Variants in PLXNA4 observed in about 807,000 individuals in gnomAD.
The protein encoded by PLXNA4 is plexin-A4.
In PLXNA4, 44 loss-of-function variants were observed where a neutral mutation model predicts 191.8. The ratio of observed to expected loss-of-function variants is 0.23; its 90% CI spans 0.18 to 0.29. The LOEUF is 0.29. Among genes scored for constraint, PLXNA4 ranks in the 10% least tolerant of loss-of-function variants. The probability of loss-of-function intolerance (pLI) is 1.00; values close to 1 mark genes in which losing one functional copy is unlikely to be tolerated. For missense variants in PLXNA4, 1,800 were observed against 2,488.8 expected, an observed-to-expected ratio of 0.72 and a Z score of 5.89; for synonymous variants, 1,082 against 1,009.5, an observed-to-expected ratio of 1.07 and a Z score of -1.36.
At chr7:132,376,588 G>T (rs1035857303) in intron 3 of PLXNA4, among the ~76,000 whole-genome samples, 1 of 152,216 alleles carries the variant, frequency 6.6e-6, no homozygotes, top group African/African-American at 2.4e-5. Flanking sequence ...CCCAGGAAGC[G>T]ATTTGCTCAG....
At chr7:132,631,999 C>A (rs901985221) in intron 2 of PLXNA4, among the ~76,000 whole-genome samples, 6 of 152,130 alleles carry the variant, frequency 3.9e-5, no homozygotes, top group Admixed American at 2.6e-4. Context: ...TTTTGGGAGG[C>A]CAAGGCGGGT....
At chr7:132,601,133 G>T (rs1037918126) in intron 2 of PLXNA4, among the ~76,000 whole-genome samples, 1 of 152,068 alleles carries the variant, frequency 6.6e-6, no homozygotes, top group Non-Finnish European at 1.5e-5. Context: ...AATCTTCATA[G>T]TCCTCAAAAT....
At chr7:132,453,940 G>A (rs1000993647) in intron 3 of PLXNA4, among the ~76,000 whole-genome samples, 7 of 152,180 alleles carry the variant, frequency 4.6e-5, no homozygotes, top group Non-Finnish European at 8.8e-5. Context: ...TTGACCCACC[G>A]TCAGCAGAAA....
At chr7:132,151,405 G>GA in intron 25 of PLXNA4, among the ~76,000 whole-genome samples, 1 of 72,096 alleles carries the variant, frequency 1.4e-5, no homozygotes. Context: ...GGAGGAGGAG[G>GA]AGGAAGGAGG....
At chr7:132,436,998 T>G (rs1359497630) in intron 3 of PLXNA4, among the ~76,000 whole-genome samples, 3 of 152,186 alleles carry the variant, frequency 2.0e-5, no homozygotes, top group African/African-American at 4.8e-5. Context: ...TGCAATGCCC[T>G]ACAGATGCTC....
chr7:132,587,427 G>A (rs1010831122), intron 2 of PLXNA4, among the ~76,000 whole-genome samples: 1 of 152,188 alleles, frequency 6.6e-6, no homozygotes, highest in African/African-American at 2.4e-5. Flanking sequence ...TGTCTTGAGT[G>A]GTAGTGAGTT....
chr7:132,142,010 C>T (rs1326313368), intron 29 of PLXNA4, among the ~76,000 whole-genome samples: 2 of 152,162 alleles, frequency 1.3e-5, no homozygotes, highest in South Asian at 2.1e-4. Flanking sequence ...GAATACAAGG[C>T]GTGAGCCACT....
chr7:132,124,765 G>C lies in PLXNA4; in HGVS notation c.*5714C>G, dbSNP rs1184559146. ...TCAAAGCGGGTGGGAATGGAATAAA[G>C]TGAGGCTCCCGCAACCCAGGATTTT... is the stretch of plus-strand genomic sequence containing the variant. On this transcript the variant is annotated 3_prime_UTR_variant, in exon 32 of 32. Coordinates refer to ENST00000321063, the MANE Select transcript of PLXNA4 (RefSeq NM_020911.2). 1 of 152,226 alleles carries C rather than the reference G, an allele frequency of 6.6e-6. No homozygotes were observed. Among genetic ancestry groups the C allele is most frequent in the Non-Finnish European group, 1.5e-5 (1 of 68,050 alleles). 9.4% of individuals were successfully genotyped at this position (152,226 alleles called of 1,614,324 possible).
At chr7:132,427,029 G>A (rs1199834698) in intron 3 of PLXNA4, among the ~76,000 whole-genome samples, 1 of 152,160 alleles carries the variant, frequency 6.6e-6, no homozygotes, top group Non-Finnish European at 1.5e-5. Flanking sequence ...GGGCCCAGGA[G>A]GGGATTCTTC....
chr7:132,601,284 GAA>G (rs5887583), intron 2 of PLXNA4, among the ~76,000 whole-genome samples: 14 of 149,882 alleles, frequency 9.3e-5, no homozygotes, highest in East Asian at 7.8e-4. Flanking sequence ...TGAGTCAAAA[GAA>G]AAAAAAAAAC....
chr7:132,434,545 G>C (rs1464979694), intron 3 of PLXNA4, among the ~76,000 whole-genome samples: 1 of 152,222 alleles, frequency 6.6e-6, no homozygotes, highest in African/African-American at 2.4e-5. Flanking sequence ...CTATCTTAAA[G>C]TAGATTCCTG....
intron 1 of PLXNA4, among the ~76,000 whole-genome samples, chr7:132,533,925 CTATTAT>C (rs61158936): frequency 4.0e-5 from 6 of 150,074 alleles, no homozygotes; most frequent in African/African-American, 1.2e-4. Flanking sequence ...AAGGATATTA[CTATTAT>C]TATTATTATT....
intron 2 of PLXNA4, among the ~76,000 whole-genome samples, chr7:132,489,791 A>C (rs1248193006): frequency 6.6e-6 from 1 of 152,024 alleles, no homozygotes; most frequent in Non-Finnish European, 1.5e-5. Context: ...TATCATCATC[A>C]TCCTCACGTG....
intron 3 of PLXNA4, among the ~76,000 whole-genome samples, chr7:132,361,113 G>T (rs1436299963): frequency 6.6e-6 from 1 of 152,150 alleles, no homozygotes; most frequent in Non-Finnish European, 1.5e-5. Context: ...AGCGCTAGGG[G>T]GTGGGTTGCT....
intron 30 of PLXNA4, among the ~76,000 whole-genome samples, chr7:132,137,795 G>A (rs1795156123): frequency 6.6e-6 from 1 of 151,460 alleles, no homozygotes; most frequent in African/African-American, 2.4e-5. Flanking sequence ...GGACAGGAGT[G>A]AGGGCAGGTG....
intron 24 of PLXNA4, among the ~76,000 whole-genome samples, chr7:132,160,083 TTG>T (rs1191378243): frequency 6.6e-6 from 1 of 152,140 alleles, no homozygotes; most frequent in African/African-American, 2.4e-5. Flanking sequence ...CCATCCATGT[TTG>T]TCTGTCTCCT....
chr7:132,631,713 A>G (rs577320320), intron 2 of PLXNA4, among the ~76,000 whole-genome samples: 1 of 152,278 alleles, frequency 6.6e-6, no homozygotes, highest in Admixed American at 6.5e-5. Context: ...CCATGGTCTC[A>G]TCTGCTCCTC....
chr7:132,614,559 AG>A (rs1469257571), intron 2 of PLXNA4, among the ~76,000 whole-genome samples: 14 of 152,246 alleles, frequency 9.2e-5, no homozygotes, highest in African/African-American at 3.1e-4. Context: ...GCAGTGTTGG[AG>A]CAGAGGTTTA....
intron 3 of PLXNA4, among the ~76,000 whole-genome samples, chr7:132,458,203 TAA>T (rs757870189): frequency 1.3e-5 from 2 of 151,882 alleles, no homozygotes; most frequent in Non-Finnish European, 2.9e-5. Flanking sequence ...GTGAGGATAT[TAA>T]CCAGCCTACT....
Sources: allele counts gnomAD v4.1 joint callset (sites outside exome capture counted in the v4.1 genomes callset), GRCh38; gene constraint gnomAD v4.1.1; transcripts MANE v1.5; gene names NCBI Gene and HGNC (gene_info 2026-07-23, HGNC 2026-07-21).